The following FHIT variants were observed in gnomAD, a reference collection of about 807,000 sequenced individuals.
The protein encoded by FHIT is fragile histidine triad diadenosine triphosphatase.
Under a neutral mutation model 17.9 loss-of-function variants are expected in FHIT, and 19 were observed. The ratio of observed to expected loss-of-function variants is 1.06; its 90% confidence interval spans 0.74 to 1.56. The LOEUF (loss-of-function observed/expected upper bound fraction) is 1.56. Among genes scored for constraint, FHIT ranks in the 40% most tolerant of loss-of-function variants. FHIT has a pLI of 0.00. For missense variants in FHIT, 248 were observed against 189.2 expected (o/e 1.31, Z -1.82); for synonymous variants, 81 against 69.7 (o/e 1.16, Z -0.81).
At chr3:60,177,076 A>C (rs529686349) in intron 5 of FHIT, among the ~76,000 whole-genome samples, 1 of 152,238 alleles carries the variant, frequency 6.6e-6, no homozygotes, top group South Asian at 2.1e-4. Context: ...ATGATGAAAA[A>C]TCTGTGCGAA....
intron 5 of FHIT, among the ~76,000 whole-genome samples, chr3:60,467,866 C>A (rs991304273): frequency 1.3e-5 from 2 of 152,006 alleles, no homozygotes; most frequent in Non-Finnish European, 2.9e-5. Flanking sequence ...TGTTTGCTGA[C>A]TTTCTGTCTG....
At chr3:59,961,911 C>T (rs1283046481) in intron 7 of FHIT, among the ~76,000 whole-genome samples, 2 of 29,826 alleles carry the variant, frequency 6.7e-5, no homozygotes, top group Non-Finnish European at 2.8e-4. Flanking sequence ...GACAGGCTAA[C>T]TGTGGGCTTT....
chr3:59,964,224 T>A (rs995093997), intron 7 of FHIT, among the ~76,000 whole-genome samples: 2 of 152,148 alleles, frequency 1.3e-5, no homozygotes, highest in Non-Finnish European at 2.9e-5. Flanking sequence ...CTAAAATTGC[T>A]TTTAGACCCA....
intron 5 of FHIT, among the ~76,000 whole-genome samples, chr3:60,257,708 T>C (rs572099947): frequency 2.0e-5 from 3 of 152,258 alleles, no homozygotes; most frequent in South Asian, 2.1e-4. Flanking sequence ...CAAAAATATA[T>C]GCAGATTAAA....
At position 60,688,687 on chromosome 3, in the gene FHIT, C is replaced by T. The variant is rs183874575; in HGVS notation, c.-18+133232G>A. 1.4e-4 allele frequency among the ~76,000 whole-genome samples: 22 copies of T among 152,230 alleles called. No individual in the cohort carries two copies. In the East Asian group the frequency reaches 4.1e-3, roughly 28 times the overall value. The stretch of plus-strand genomic sequence containing the variant: ...CCCCAGGTGATCCACCCACCTCAGC[C>T]TCCCAAAGTGCTGGGATTACAGGTG... On this transcript the variant is annotated intron_variant, in intron 4 of 9. Transcript: ENST00000492590.
intron 5 of FHIT, among the ~76,000 whole-genome samples, chr3:60,189,425 ACAAT>A (rs2107462912): frequency 6.6e-6 from 1 of 152,280 alleles, no homozygotes; most frequent in East Asian, 1.9e-4. Flanking sequence ...AAATCTTCCC[ACAAT>A]CAATCATTCA....
In FHIT at chr3:60,453,195, GAT is replaced by G. The variant is rs1491160436; in HGVS notation, c.103+83663_103+83664del. ...AGTTTAATTATTTTATGCCTGAGCA[GAT>G]TTTTTTTTTTTTTAACTCAAGTGCC... is the stretch of plus-strand genomic sequence containing the variant. On this transcript the variant is annotated intron_variant, in intron 5 of 9. Transcript: ENST00000492590. Among the ~76,000 whole-genome samples the G allele has an allele frequency of 7.3e-5, 9 of 122,934 alleles. No homozygotes were observed. The Admixed American group carries it at 7.5e-4, about 10-fold the overall frequency. The allele number at this position is 122,934 out of a possible 152,430, so 80.6% of individuals were successfully genotyped here.
chr3:60,382,025 T>A (rs1700819712), intron 5 of FHIT, among the ~76,000 whole-genome samples: 1 of 152,246 alleles, frequency 6.6e-6, no homozygotes, highest in Non-Finnish European at 1.5e-5. Context: ...AGTAGCCACA[T>A]ATGGCTTAAT....
chr3:61,158,618 T>G (rs949917894), intron 2 of FHIT, among the ~76,000 whole-genome samples: 23 of 143,254 alleles, frequency 1.6e-4, no homozygotes, highest in Non-Finnish European at 9.0e-5. Flanking sequence ...GCTCCCTCCT[T>G]TTACCTTTTC....
intron 5 of FHIT, among the ~76,000 whole-genome samples, chr3:60,395,299 G>C (rs1701392204): frequency 6.6e-6 from 1 of 152,100 alleles, no homozygotes; most frequent in Admixed American, 6.6e-5. Context: ...GAGCTGTCCT[G>C]AGCATTTTAT....
At chr3:60,734,778 CT>C (rs1444012103) in intron 4 of FHIT, among the ~76,000 whole-genome samples, 1 of 152,218 alleles carries the variant, frequency 6.6e-6, no homozygotes, top group Admixed American at 6.5e-5. Context: ...CCAGACTTAC[CT>C]TACCCATTAA....
chr3:61,198,060 C>A lies in FHIT; in HGVS notation c.-164+2557G>T, dbSNP rs116456193. ...CATGATGAAAGAAAGTAATGAGTGG[C>A]ATTTTAATTGTAAACCTCCAAACAT... On this transcript the variant is annotated intron_variant, in intron 2 of 9. Transcript: ENST00000492590. 5.7e-3 allele frequency among the ~76,000 whole-genome samples: 872 copies of A among 152,152 alleles called. 8 individuals carry two copies. Among genetic ancestry groups the A allele is most frequent in the African/African-American group, 0.02 (841 of 41,502 alleles).
intron 8 of FHIT, among the ~76,000 whole-genome samples, chr3:59,875,780 T>C (rs1245150608): frequency 6.6e-6 from 1 of 151,766 alleles, no homozygotes. Context: ...TGTTCTATTA[T>C]GGAAAGAGGG....
chr3:60,389,350 C>T (rs1166981368), intron 5 of FHIT, among the ~76,000 whole-genome samples: 1 of 152,122 alleles, frequency 6.6e-6, no homozygotes, highest in Non-Finnish European at 1.5e-5. Flanking sequence ...TGCCTTTGAA[C>T]ACTAACTTTC....
chr3:61,190,902 A>C (rs1164316463), intron 2 of FHIT, among the ~76,000 whole-genome samples: 2 of 132,948 alleles, frequency 1.5e-5, no homozygotes, highest in East Asian at 5.1e-4. Context: ...GGACACAGGA[A>C]GGGGAACATC....
In FHIT at chr3:60,024,502, A is replaced by G. The variant is rs72879016; in HGVS notation, c.104-10350T>C. Among the ~76,000 whole-genome samples, 912 of 152,308 alleles carry G rather than the reference A, an allele frequency of 6.0e-3. 11 individuals are homozygous for G. The highest frequency in any genetic ancestry group is 0.021 in the African/African-American group (866 of 41,566). ...GAACTCTGTATTTTTTTGTATATTC[A>G]TTCAGTAAATATTTGTGAATTAAGA... is the stretch of plus-strand genomic sequence containing the variant. On this transcript the variant is annotated intron_variant, in intron 5 of 9. Coordinates refer to ENST00000492590, the MANE Select transcript of FHIT (RefSeq NM_002012.4).
intron 5 of FHIT, among the ~76,000 whole-genome samples, chr3:60,088,755 G>C (rs1438130020): frequency 6.6e-6 from 1 of 151,200 alleles, no homozygotes; most frequent in African/African-American, 2.4e-5. Flanking sequence ...ACAAAGTTTA[G>C]CATTTGCTGC....
intron 8 of FHIT, among the ~76,000 whole-genome samples, chr3:59,833,701 G>A (rs1351799347): frequency 2.0e-5 from 3 of 152,184 alleles, no homozygotes; most frequent in African/African-American, 7.2e-5. Flanking sequence ...TTATACTCAT[G>A]AAGGTCATTG....
At chr3:60,946,176 C>T (rs1210144147) in intron 3 of FHIT, among the ~76,000 whole-genome samples, 1 of 152,080 alleles carries the variant, frequency 6.6e-6, no homozygotes, top group Non-Finnish European at 1.5e-5. Flanking sequence ...ATTGGAGGCC[C>T]CACAGGATCA....
Sources: gnomAD v4.1 joint callset for allele counts (sites outside exome capture counted in the v4.1 genomes callset) on GRCh38, gnomAD v4.1.1 for gene constraint, MANE v1.5 for transcripts, NCBI Gene and HGNC (gene_info 2026-07-23, HGNC 2026-07-21) for gene names.